Variants in OPCML observed in about 807,000 individuals in gnomAD.
OPCML encodes the protein opioid-binding protein/cell adhesion molecule.
OPCML carries 13 observed loss-of-function variants against 37.8 expected under a neutral mutation model. The observed-to-expected ratio is 0.34, with a 90% CI of 0.22 to 0.55. OPCML has a LOEUF of 0.55. Among genes scored for constraint, OPCML ranks in the 20% least tolerant of loss-of-function variants. The pLI is 0.91. For missense variants in OPCML, 341 were observed against 435.6 expected (o/e 0.78, Z 1.93); for synonymous variants, 176 against 168.8 (o/e 1.04, Z -0.33).
intron 3 of OPCML, among the ~76,000 whole-genome samples, chr11:132,546,463 C>T (rs934812786): frequency 6.6e-6 from 1 of 152,138 alleles, no homozygotes; most frequent in Non-Finnish European, 1.5e-5. Flanking sequence ...CCCCAAAGTC[C>T]ATTGTATCAT....
intron 1 of OPCML, among the ~76,000 whole-genome samples, chr11:133,261,486 G>A (rs60588182): frequency 0.078 from 11,862 of 151,122 alleles, 1,504 homozygotes; most frequent in African/African-American, 0.27. Context: ...CATGGTCTGC[G>A]TCCGGCTCTC....
intron 1 of OPCML, among the ~76,000 whole-genome samples, chr11:133,341,273 A>G (rs1565581709): frequency 6.6e-6 from 1 of 152,242 alleles, no homozygotes; most frequent in Non-Finnish European, 1.5e-5. Flanking sequence ...TTCCAGTTCA[A>G]TATTAGCAAA....
At chr11:132,778,002 A>G (rs1258606472) in intron 2 of OPCML, among the ~76,000 whole-genome samples, 1 of 152,198 alleles carries the variant, frequency 6.6e-6, no homozygotes, top group Non-Finnish European at 1.5e-5. Flanking sequence ...GAGAGACCTT[A>G]GCCAACCATC....
chr11:132,450,775 C>A (rs1262572782), intron 4 of OPCML, among the ~76,000 whole-genome samples: 1 of 152,106 alleles, frequency 6.6e-6, no homozygotes, highest in Non-Finnish European at 1.5e-5. Flanking sequence ...GAAGTAACAC[C>A]ACACTAGGCT....
chr11:133,529,410 G>A (rs1948556587), intron 1 of OPCML, among the ~76,000 whole-genome samples: 1 of 152,136 alleles, frequency 6.6e-6, no homozygotes, highest in Non-Finnish European at 1.5e-5. Flanking sequence ...CCCAACCAGG[G>A]GTGTCCAGAG....
At chr11:133,520,295 TC>T (rs1723210097) in intron 1 of OPCML, among the ~76,000 whole-genome samples, 1 of 152,120 alleles carries the variant, frequency 6.6e-6, no homozygotes, top group Non-Finnish European at 1.5e-5. Flanking sequence ...CACCTCACTA[TC>T]CCTGCTCAAG....
intron 1 of OPCML, among the ~76,000 whole-genome samples, chr11:133,197,524 TG>T (rs1938582860): frequency 6.6e-6 from 1 of 152,154 alleles, no homozygotes; most frequent in East Asian, 1.9e-4. Context: ...CTGCTTCTCA[TG>T]GGTGACTAAG....
At chr11:133,044,626 C>G (rs1056861590) in intron 1 of OPCML, among the ~76,000 whole-genome samples, 1 of 152,036 alleles carries the variant, frequency 6.6e-6, no homozygotes, top group Non-Finnish European at 1.5e-5. Flanking sequence ...TAATCCATAC[C>G]GAATTCTAGG....
intron 4 of OPCML, among the ~76,000 whole-genome samples, chr11:132,471,841 G>A (rs1312384728): frequency 6.6e-6 from 1 of 152,170 alleles, no homozygotes; most frequent in Non-Finnish European, 1.5e-5. Flanking sequence ...TAGCTCAAGA[G>A]CCCATCCCAT....
At chr11:133,098,182 G>A (rs1483056056) in intron 1 of OPCML, among the ~76,000 whole-genome samples, 1 of 150,812 alleles carries the variant, frequency 6.6e-6, no homozygotes, top group African/African-American at 2.4e-5. Flanking sequence ...TACCAAGTGG[G>A]ATTTATCCCA....
intron 1 of OPCML, among the ~76,000 whole-genome samples, chr11:133,008,667 T>C (rs1362894058): frequency 2.0e-5 from 3 of 152,190 alleles, no homozygotes; most frequent in Non-Finnish European, 4.4e-5. Context: ...ATCCTCCCTT[T>C]GTTTGGTGGC....
At chr11:132,647,081 G>T (rs1422582146) in intron 3 of OPCML, among the ~76,000 whole-genome samples, 1 of 152,200 alleles carries the variant, frequency 6.6e-6, no homozygotes, top group Non-Finnish European at 1.5e-5. Context: ...ATGACCTGGC[G>T]TGGCAGTCTG....
chr11:133,184,991 C>T (rs1285256893), intron 1 of OPCML, among the ~76,000 whole-genome samples: 1 of 152,116 alleles, frequency 6.6e-6, no homozygotes, highest in African/African-American at 2.4e-5. Context: ...TTGATTTTTT[C>T]CTTCAATTTT....
intron 1 of OPCML, among the ~76,000 whole-genome samples, chr11:133,290,774 C>T (rs1407649197): frequency 6.6e-6 from 1 of 152,268 alleles, no homozygotes; most frequent in East Asian, 1.9e-4. Context: ...TTCAGAAGAG[C>T]TTCCATTTCC....
chr11:132,950,822 T>C (rs1945840894), intron 1 of OPCML, among the ~76,000 whole-genome samples: 1 of 152,198 alleles, frequency 6.6e-6, no homozygotes, highest in African/African-American at 2.4e-5. Context: ...ATATCTCCTC[T>C]ACTTGGTCAC....
At chr11:132,896,039 T>TG (rs148211690) in intron 2 of OPCML, among the ~76,000 whole-genome samples, 505 of 152,312 alleles carry the variant, frequency 3.3e-3, no homozygotes, top group Middle Eastern at 0.014. Flanking sequence ...TTTACTTATA[T>TG]GGACCCTCAG....
chr11:133,108,788 C>A (rs2137087293), intron 1 of OPCML, among the ~76,000 whole-genome samples: 1 of 135,474 alleles, frequency 7.4e-6, no homozygotes, highest in East Asian at 2.3e-4. Flanking sequence ...AAAGACAGCG[C>A]TTTGCAAACT....
At chr11:132,527,963 A>G (rs1436258283) in intron 4 of OPCML, among the ~76,000 whole-genome samples, 1 of 152,184 alleles carries the variant, frequency 6.6e-6, no homozygotes, top group South Asian at 2.1e-4. Flanking sequence ...GCCAGTGATT[A>G]CCAGCAAACC....
intron 1 of OPCML, among the ~76,000 whole-genome samples, chr11:133,108,881 G>C (rs1440057101): frequency 6.6e-6 from 1 of 152,186 alleles, no homozygotes; most frequent in African/African-American, 2.4e-5. Flanking sequence ...TTCACGGAGT[G>C]CCCGCTGAAT....
Sources: gnomAD v4.1 joint callset for allele counts (sites outside exome capture counted in the v4.1 genomes callset) on GRCh38, gnomAD v4.1.1 for gene constraint, MANE v1.5 for transcripts, NCBI Gene and HGNC (gene_info 2026-07-23, HGNC 2026-07-21) for gene names.